The following VTCN1 variants were observed in gnomAD, a reference collection of about 807,000 sequenced individuals.
VTCN1 encodes V-set domain-containing T-cell activation inhibitor 1.
Under a neutral mutation model 26.5 loss-of-function variants are expected in VTCN1, and 26 were observed. The observed-to-expected ratio is 0.98, with a 90% CI of 0.72 to 1.36. The LOEUF (loss-of-function observed/expected upper bound fraction) is 1.36, where lower values mean the gene tolerates loss of function less well. VTCN1 is among the 40% of genes most tolerant of loss of function. The probability of loss-of-function intolerance (pLI) is 0.00; values close to 1 mark genes in which losing one functional copy is unlikely to be tolerated. For missense variants in VTCN1, 298 were observed against 337.7 expected (o/e 0.88, Z 0.92); for synonymous variants, 116 against 130.7 (o/e 0.89, Z 0.77).
At chr1:117,163,607 T>G (rs1410278631) in intron 2 of VTCN1, among the ~76,000 whole-genome samples, 1 of 152,190 alleles carries the variant, frequency 6.6e-6, no homozygotes, top group South Asian at 2.1e-4. Flanking sequence ...CATTTATGGA[T>G]GAGGATAGAG....
At chr1:117,201,471 C>G (rs1185548784) in intron 1 of VTCN1, among the ~76,000 whole-genome samples, 9 of 152,176 alleles carry the variant, frequency 5.9e-5, no homozygotes, top group Admixed American at 4.6e-4. Context: ...TTCTGGAATC[C>G]TGATCTCCCC....
At chr1:117,166,046 G>A (rs530317613) in intron 2 of VTCN1, among the ~76,000 whole-genome samples, 1 of 152,176 alleles carries the variant, frequency 6.6e-6, no homozygotes, top group African/African-American at 2.4e-5. Context: ...CAGTAGTAGA[G>A]TTTTAAATTT....
intron 3 of VTCN1, 143 bp from the exon 4 acceptor site, chr1:117,153,512 G>A (rs1054019330): frequency 1.1e-5 from 10 of 886,442 alleles, no homozygotes; most frequent in Non-Finnish European, 1.7e-5. Flanking sequence ...TTCCTCAGAG[G>A]TCCACCTGTG....
intron 1 of VTCN1, among the ~76,000 whole-genome samples, chr1:117,199,851 G>T (rs901410576): frequency 6.6e-6 from 1 of 151,742 alleles, no homozygotes; most frequent in Non-Finnish European, 1.5e-5. Flanking sequence ...GGCCAAGATG[G>T]TCTCCATCTC....
At chr1:117,179,579 T>C (rs1042389582) in intron 1 of VTCN1, among the ~76,000 whole-genome samples, 6 of 152,184 alleles carry the variant, frequency 3.9e-5, no homozygotes, top group Non-Finnish European at 7.3e-5. Context: ...TGCAAATGCA[T>C]GTGCAAGCAG....
At chr1:117,208,629 C>CACTG (rs1447315726) in intron 1 of VTCN1, among the ~76,000 whole-genome samples, 3 of 152,212 alleles carry the variant, frequency 2.0e-5, no homozygotes, top group Admixed American at 1.3e-4. Flanking sequence ...GTCCTCCTAG[C>CACTG]AAGCATTCTG....
At chr1:117,166,769 T>C (rs1024764260) in intron 2 of VTCN1, among the ~76,000 whole-genome samples, 2 of 152,028 alleles carry the variant, frequency 1.3e-5, no homozygotes, top group African/African-American at 2.4e-5. Context: ...ATTTGGTTTA[T>C]CAGTCTATAT....
In VTCN1 at chr1:117,145,255, T is replaced by C. The variant is rs903515715; in HGVS notation, c.*46-30A>G. 2.0e-5 allele frequency: 3 copies of C among 152,208 alleles called. No individual in the cohort carries two copies. Among genetic ancestry groups the C allele is most frequent in the East Asian group, 3.8e-4 (2 of 5,200 alleles). 9.4% of individuals were successfully genotyped at this position (152,208 alleles called of 1,614,324 possible). A position where few individuals can be genotyped will look rare whatever the true frequency, so the allele number is the denominator to read the frequency against. On this transcript the variant is annotated intron_variant, in intron 5 of 5. Transcript: ENST00000369458. This position sits in a 1 kb window ranked among gnomAD's most constrained non-coding sequence, Gnocchi z 4.6. ...GATTGTGGAAATAACAGCAATAAGA[T>C]ACCATTATAGCCATTCACAAAACAA...
intron 1 of VTCN1, among the ~76,000 whole-genome samples, chr1:117,180,723 T>C (rs906810288): frequency 2.0e-5 from 3 of 152,196 alleles, no homozygotes; most frequent in Admixed American, 2.0e-4. Context: ...TGGTTGGCTG[T>C]TGTCCTGGCT....
Position 117,200,915 on chromosome 1 carries a change from C to A in VTCN1, c.32+9909G>T, listed in dbSNP as rs538542076. On this transcript the variant is annotated intron_variant, in intron 1 of 5. Coordinates refer to ENST00000369458, the MANE Select transcript of VTCN1 (RefSeq NM_024626.4). ...TATAGGCGTAATCCCAGCTACTACG[C>A]CAGGCTAATTTTTTTGGTTTGTTTT... Among the ~76,000 whole-genome samples, 35 of 152,234 alleles carry A rather than the reference C, an allele frequency of 2.3e-4. 1 individual carries two copies. The South Asian group carries it at 6.6e-3, about 29-fold the overall frequency.
intron 1 of VTCN1, among the ~76,000 whole-genome samples, chr1:117,177,267 T>C (rs1388554671): frequency 6.6e-6 from 1 of 152,218 alleles, no homozygotes; most frequent in Non-Finnish European, 1.5e-5. Context: ...AGATATTGAT[T>C]AGCATAGGTT....
At chr1:117,164,356 G>C (rs181691449) in intron 2 of VTCN1, among the ~76,000 whole-genome samples, 203 of 151,978 alleles carry the variant, frequency 1.3e-3, no homozygotes, top group East Asian at 4.4e-3. Context: ...GTTCTGGCAG[G>C]GGGGTGGGGT....
chr1:117,203,677 C>A (rs1304948762), intron 1 of VTCN1: 2 of 985,246 alleles, frequency 2.0e-6, no homozygotes, highest in Non-Finnish European at 1.2e-6. Flanking sequence ...GGCTCTTTAG[C>A]ACATTTCTTA....
intron 4 of VTCN1, among the ~76,000 whole-genome samples, chr1:117,151,980 T>C (rs1033971084): frequency 2.0e-5 from 3 of 152,224 alleles, no homozygotes; most frequent in Admixed American, 6.5e-5. Flanking sequence ...ATCTTTTCAT[T>C]TGCTTTTTAG....
intron 1 of VTCN1, chr1:117,173,365 A>AACAC (rs140251705): frequency 0.13 from 48,784 of 382,192 alleles, 1,996 homozygotes; most frequent in South Asian, 0.18. Context: ...GACACAGATG[A>AACAC]ACACACACAC....
intron 1 of VTCN1, among the ~76,000 whole-genome samples, chr1:117,180,695 A>G (rs1201953160): frequency 1.3e-5 from 2 of 152,318 alleles, no homozygotes; most frequent in South Asian, 4.2e-4. Flanking sequence ...TCTGGCTGCT[A>G]ATGAACACTT....
At position 117,175,767 on chromosome 1, in the gene VTCN1, C is replaced by G. The variant is rs1183083158; in HGVS notation, c.33-5596G>C. On this transcript the variant is annotated intron_variant, in intron 1 of 5. Transcript: ENST00000369458. The surrounding 1 kb of genome is among the most constrained non-coding windows in gnomAD (Gnocchi z 4.2). Reference sequence around the variant, plus strand: ...AAGAGAGATACCTATCTCTCTCTCTCTCTCTCTTTTTTTTTTTTTTTGAGA... The same window carrying G: ...AAGAGAGATACCTATCTCTCTCTCTGTCTCTCTTTTTTTTTTTTTTTGAGA... Among the ~76,000 whole-genome samples the G allele has an allele frequency of 2.4e-5, 2 of 83,140 alleles. No homozygotes were observed. Among genetic ancestry groups the G allele is most frequent in the Non-Finnish European group, 5.0e-5 (2 of 40,084 alleles). 54.5% of individuals were successfully genotyped at this position (83,140 alleles called of 152,430 possible). A position where few individuals can be genotyped will look rare whatever the true frequency, so the allele number is the denominator to read the frequency against.
chr1:117,163,884 G>A (rs1294840150), intron 2 of VTCN1, among the ~76,000 whole-genome samples: 1 of 152,084 alleles, frequency 6.6e-6, no homozygotes, highest in African/African-American at 2.4e-5. Context: ...AGGTTTTTTT[G>A]GACAGATCAA....
At chr1:117,172,502 GAC>G in intron 1 of VTCN1, 1 of 518,546 alleles carries the variant, frequency 1.9e-6, no homozygotes, top group South Asian at 1.4e-5. Flanking sequence ...TTTGACTACT[GAC>G]ACAGGCAGCC....
Sources: gnomAD v4.1 joint callset for allele counts (sites outside exome capture counted in the v4.1 genomes callset) on GRCh38, gnomAD v4.1.1 for gene constraint, Gnocchi (gnomAD v3.1) non-coding constraint, MANE v1.5 for transcripts, NCBI Gene and HGNC (gene_info 2026-07-23, HGNC 2026-07-21) for gene names.